The following THSD7B variants were observed in gnomAD, a reference collection of about 807,000 sequenced individuals.
THSD7B encodes the protein thrombospondin type 1 domain containing 7B.
A neutral mutation model predicts 213.6 loss-of-function variants in THSD7B; 138 were observed. The ratio of observed to expected loss-of-function variants is 0.65; its 90% confidence interval spans 0.56 to 0.74. THSD7B has a LOEUF of 0.74. THSD7B is among the 30% of genes least tolerant of loss of function. The pLI, the probability that THSD7B is intolerant of heterozygous loss-of-function variation, is 0.00. For synonymous variants in THSD7B, 742 were observed against 687.0 expected (o/e 1.08, Z -1.25); for missense variants, 1,931 against 1,991.5 (o/e 0.97, Z 0.58).
chr2:137,561,094 T>C (rs1681108252), intron 15 of THSD7B, among the ~76,000 whole-genome samples: 1 of 152,184 alleles, frequency 6.6e-6, no homozygotes, highest in African/African-American at 2.4e-5. Flanking sequence ...TTAAATGCTA[T>C]TACTCAAGAA....
intron 2 of THSD7B, among the ~76,000 whole-genome samples, chr2:136,980,269 C>T (rs1204201930): frequency 6.6e-6 from 1 of 152,190 alleles, no homozygotes; most frequent in African/African-American, 2.4e-5. Context: ...AAAGAGCAGT[C>T]TGGCTGCCCC....
chr2:137,595,336 T>A lies in THSD7B; in HGVS notation c.3424-20839T>A, dbSNP rs188640031. On this transcript the variant is annotated intron_variant, in intron 17 of 27. Transcript: ENST00000409968. ...AGTTTCTTCTTTATATACCACATCT[T>A]CTCATTGGCAGTAATATGGGTAACT... Among the ~76,000 whole-genome samples the A allele has an allele frequency of 1.6e-4, 25 of 152,128 alleles. No individual in the cohort carries two copies. The East Asian group carries it at 4.6e-3, about 28-fold the overall frequency.
At chr2:137,570,453 C>A (rs112007607) in intron 16 of THSD7B, among the ~76,000 whole-genome samples, 1 of 151,902 alleles carries the variant, frequency 6.6e-6, no homozygotes, top group Admixed American at 6.6e-5. Flanking sequence ...GGACTACAGG[C>A]GCCTGCCACC....
At chr2:136,890,389 CTCT>C (rs1683808853) in intron 2 of THSD7B, among the ~76,000 whole-genome samples, 1 of 544 alleles carries the variant, frequency 1.8e-3, no homozygotes, top group Admixed American at 0.016. Context: ...CTTCCTCTTC[CTCT>C]TCCTCTTCCT....
intron 17 of THSD7B, among the ~76,000 whole-genome samples, chr2:137,615,780 T>C (rs557994843): frequency 6.6e-6 from 1 of 152,260 alleles, no homozygotes; most frequent in Admixed American, 6.5e-5. Context: ...TTTTTATTGG[T>C]CTAGACTATC....
chr2:137,651,389 A>G (rs1384679562), intron 21 of THSD7B, among the ~76,000 whole-genome samples: 1 of 151,886 alleles, frequency 6.6e-6, no homozygotes, highest in Non-Finnish European at 1.5e-5. Context: ...TGTAATTATT[A>G]TTTGTATTTC....
At chr2:137,358,799 T>A (rs1685190303) in intron 12 of THSD7B, among the ~76,000 whole-genome samples, 1 of 152,212 alleles carries the variant, frequency 6.6e-6, no homozygotes, top group African/African-American at 2.4e-5. Context: ...GAATTCTTAT[T>A]CAATGGCTAT....
intron 12 of THSD7B, among the ~76,000 whole-genome samples, chr2:137,306,996 C>A (rs1683765777): frequency 6.6e-6 from 1 of 152,214 alleles, no homozygotes; most frequent in African/African-American, 2.4e-5. Context: ...TCTGCATTGT[C>A]TTTGTTCATC....
chr2:137,032,714 T>A (rs1250964453), intron 2 of THSD7B, among the ~76,000 whole-genome samples: 2 of 152,192 alleles, frequency 1.3e-5, no homozygotes, highest in African/African-American at 4.8e-5. Flanking sequence ...GAAAAATTGC[T>A]TGGAAGGTAG....
At chr2:137,490,597 C>A (rs1422749882) in intron 15 of THSD7B, among the ~76,000 whole-genome samples, 1 of 152,134 alleles carries the variant, frequency 6.6e-6, no homozygotes, top group Non-Finnish European at 1.5e-5. Context: ...TTTTTTACAG[C>A]TGGTGAAACT....
chr2:137,483,051 T>A (rs1038571801), intron 15 of THSD7B, among the ~76,000 whole-genome samples: 4 of 152,198 alleles, frequency 2.6e-5, no homozygotes, highest in Admixed American at 2.0e-4. Flanking sequence ...TCTGTCTCAC[T>A]TTGGACTGAG....
chr2:137,393,467 A>C (rs1243810296), intron 12 of THSD7B, among the ~76,000 whole-genome samples: 2 of 149,466 alleles, frequency 1.3e-5, no homozygotes, highest in African/African-American at 4.9e-5. Flanking sequence ...AATTTCATCC[A>C]TGTCCCTACA....
chr2:137,390,411 A>G (rs1685994046), intron 12 of THSD7B, among the ~76,000 whole-genome samples: 1 of 152,156 alleles, frequency 6.6e-6, no homozygotes, highest in Admixed American at 6.5e-5. Context: ...CATTAGATTT[A>G]TATATCAGAT....
At chr2:137,596,025 C>T (rs1188831529) in intron 17 of THSD7B, among the ~76,000 whole-genome samples, 1 of 151,810 alleles carries the variant, frequency 6.6e-6, no homozygotes, top group Non-Finnish European at 1.5e-5. Context: ...GAGAGCTATA[C>T]AAAATAGTCA....
chr2:137,402,785 T>C (rs2104999221), intron 12 of THSD7B, among the ~76,000 whole-genome samples: 2 of 138,042 alleles, frequency 1.4e-5, no homozygotes, highest in South Asian at 4.5e-4. Context: ...CACTGCACTC[T>C]AGCCTGTGCA....
chr2:136,986,388 C>T (rs932444793), intron 2 of THSD7B, among the ~76,000 whole-genome samples: 17 of 152,160 alleles, frequency 1.1e-4, no homozygotes, highest in Admixed American at 4.6e-4. Flanking sequence ...GGACCACCCC[C>T]TCCTCACTTT....
At chr2:137,541,280 CT>C (rs550480608) in intron 15 of THSD7B, among the ~76,000 whole-genome samples, 166 of 151,608 alleles carry the variant, frequency 1.1e-3, no homozygotes, top group African/African-American at 3.8e-3. Flanking sequence ...AATGTCTCCT[CT>C]TTAACAAAAA....
intron 1 of THSD7B, among the ~76,000 whole-genome samples, chr2:136,813,494 T>A (rs1434352634): frequency 6.8e-6 from 1 of 148,144 alleles, no homozygotes; most frequent in Non-Finnish European, 1.5e-5. Context: ...ATGGCTCGCC[T>A]GTATTTACAC....
chr2:137,641,958 T>G (rs143090823), intron 20 of THSD7B, among the ~76,000 whole-genome samples: 2 of 152,308 alleles, frequency 1.3e-5, no homozygotes, highest in East Asian at 3.9e-4. Context: ...TTTTTTAGGA[T>G]AATTTGGATG....
Sources: gnomAD v4.1 joint callset for allele counts (sites outside exome capture counted in the v4.1 genomes callset) on GRCh38, gnomAD v4.1.1 for gene constraint, MANE v1.5 for transcripts, NCBI Gene and HGNC (gene_info 2026-07-23, HGNC 2026-07-21) for gene names.